NR2F1-AS1: variants seen among roughly 807,000 people sequenced by gnomAD.
NR2F1-AS1 encodes the protein NR2F1 regulatory antisense RNA 1, also known as NR2F1 antisense RNA 1.
At chr5:93,571,788 C>CT (rs1561511538) in intron 1 of NR2F1-AS1, among the ~76,000 whole-genome samples, 1 of 150,494 alleles carries the variant, frequency 6.6e-6, no homozygotes, top group African/African-American at 2.4e-5. Flanking sequence ...AAACAAGAGA[C>CT]TTGCAAAACC....
intron 1 of NR2F1-AS1, among the ~76,000 whole-genome samples, chr5:93,564,166 A>AGAATACTT (rs1752565111): frequency 6.8e-6 from 1 of 146,850 alleles, no homozygotes; most frequent in Non-Finnish European, 1.5e-5. Flanking sequence ...AACTACCTGG[A>AGAATACTT]GAATACTTAC....
intron 4 of NR2F1-AS1, among the ~76,000 whole-genome samples, chr5:93,510,397 T>G (rs984489480): frequency 2.0e-5 from 3 of 152,134 alleles, no homozygotes; most frequent in Non-Finnish European, 2.9e-5. Flanking sequence ...ACTCTGCACA[T>G]CTGAAATCCA....
At chr5:93,434,536 T>C (rs1447744680) in intron 4 of NR2F1-AS1, among the ~76,000 whole-genome samples, 1 of 152,158 alleles carries the variant, frequency 6.6e-6, no homozygotes, top group African/African-American at 2.4e-5. Context: ...CCATGTTTCA[T>C]TACCTGTAAG....
At chr5:93,513,313 G>T (rs1022220642) in intron 4 of NR2F1-AS1, among the ~76,000 whole-genome samples, 2 of 152,068 alleles carry the variant, frequency 1.3e-5, no homozygotes, top group Non-Finnish European at 2.9e-5. Context: ...CCATTACTGG[G>T]TATATATCCA....
chr5:93,538,519 A>T (rs759756156), intron 4 of NR2F1-AS1, among the ~76,000 whole-genome samples: 5 of 152,204 alleles, frequency 3.3e-5, no homozygotes, highest in Admixed American at 1.3e-4. Context: ...ATATACAATA[A>T]TCACACAAAT....
At chr5:93,584,022 T>G (rs1753176520), upstream of NR2F1-AS1, 1 of 151,784 alleles carries the variant, frequency 6.6e-6, no homozygotes. Flanking sequence ...CCTTCCTGAA[T>G]GGCTGGCTGC....
At chr5:93,458,555 G>A (rs1750004419) in intron 4 of NR2F1-AS1, among the ~76,000 whole-genome samples, 1 of 151,994 alleles carries the variant, frequency 6.6e-6, no homozygotes, top group Non-Finnish European at 1.5e-5. Context: ...AAATATAAGA[G>A]TAGAAAGTAT....
rs1368843221 is a variant in NR2F1-AS1, at chr5:93,504,161, G to C, written n.638+49600C>G. On this transcript the variant is annotated intron_variant and non_coding_transcript_variant, in intron 4 of 5. Coordinates refer to ENST00000660523, the Ensembl canonical transcript of NR2F1-AS1. The stretch of plus-strand genomic sequence containing the variant: ...TGATTGGAACAAAAAATTACAATTT[G>C]TTATTCAGAAGCCATAAAATTCAAA... Among the ~76,000 whole-genome samples, 4 of 152,220 alleles carry C rather than the reference G, an allele frequency of 2.6e-5. No homozygotes were observed. In the East Asian group the frequency reaches 7.7e-4, roughly 29 times the overall value.
At chr5:93,423,138 C>G (rs1196549621) in intron 4 of NR2F1-AS1, 4 of 152,390 alleles carry the variant, frequency 2.6e-5, no homozygotes, top group Admixed American at 6.5e-5. Flanking sequence ...ATCATGAATG[C>G]CAGATGTCAA....
At chr5:93,491,339 G>A (rs1451432746) in intron 4 of NR2F1-AS1, among the ~76,000 whole-genome samples, 2 of 151,010 alleles carry the variant, frequency 1.3e-5, no homozygotes, top group East Asian at 3.9e-4. Flanking sequence ...TATTGATGAA[G>A]GTTGTGGTTA....
At chr5:93,470,564 TTATC>T (rs1385799631) in intron 4 of NR2F1-AS1, among the ~76,000 whole-genome samples, 1 of 151,798 alleles carries the variant, frequency 6.6e-6, no homozygotes, top group Non-Finnish European at 1.5e-5. Flanking sequence ...AAATCTTACA[TTATC>T]TAAAGATTTG....
At chr5:93,577,710 A>C (rs1273791523) in intron 1 of NR2F1-AS1, among the ~76,000 whole-genome samples, 1 of 152,184 alleles carries the variant, frequency 6.6e-6, no homozygotes, top group Non-Finnish European at 1.5e-5. Context: ...GGGGAGACTA[A>C]TTGATTCAGC....
At chr5:93,528,266 G>A (rs558151059) in intron 4 of NR2F1-AS1, among the ~76,000 whole-genome samples, 7 of 152,076 alleles carry the variant, frequency 4.6e-5, no homozygotes, top group Non-Finnish European at 1.0e-4. Context: ...ATCATCACTG[G>A]TCATTAGAGA....
At chr5:93,467,020 C>G (rs1470723856) in intron 4 of NR2F1-AS1, among the ~76,000 whole-genome samples, 1 of 151,466 alleles carries the variant, frequency 6.6e-6, no homozygotes, top group African/African-American at 2.4e-5. Flanking sequence ...CCTGCCTCAG[C>G]CTCTCAAGCA....
intron 4 of NR2F1-AS1, chr5:93,543,779 T>G (rs1013126118): frequency 6.6e-6 from 1 of 152,208 alleles, no homozygotes; most frequent in Non-Finnish European, 1.5e-5. Flanking sequence ...CATAATGTAT[T>G]TGTGCTATTC....
chr5:93,447,007 A>C (rs1472009836), intron 4 of NR2F1-AS1, among the ~76,000 whole-genome samples: 1 of 152,218 alleles, frequency 6.6e-6, no homozygotes, highest in Non-Finnish European at 1.5e-5. Context: ...CATATGTAGA[A>C]AGCTGAAACT....
chr5:93,444,782 T>C (rs957605084), intron 4 of NR2F1-AS1, among the ~76,000 whole-genome samples: 26 of 152,112 alleles, frequency 1.7e-4, no homozygotes, highest in African/African-American at 5.8e-4. Flanking sequence ...TATACCAAAA[T>C]TGACCACATA....
At chr5:93,502,673 G>A (rs896130130) in intron 4 of NR2F1-AS1, among the ~76,000 whole-genome samples, 1 of 152,110 alleles carries the variant, frequency 6.6e-6, no homozygotes, top group African/African-American at 2.4e-5. Flanking sequence ...TAGCCCAGGA[G>A]AGCAGTTTTT....
chr5:93,580,079 G>T (rs1752986170), intron 1 of NR2F1-AS1, among the ~76,000 whole-genome samples: 1 of 152,194 alleles, frequency 6.6e-6, no homozygotes, highest in African/African-American at 2.4e-5. Flanking sequence ...CGCGGGTCGC[G>T]CTCGGCACCA....
Sources: allele counts gnomAD v4.1 joint callset (sites outside exome capture counted in the v4.1 genomes callset), GRCh38; gene constraint gnomAD v4.1.1; transcripts MANE v1.5; gene names NCBI Gene and HGNC (gene_info 2026-07-23, HGNC 2026-07-21).